ERC2: variants seen among roughly 807,000 people sequenced by gnomAD.
ERC2 encodes the protein ELKS/RAB6-interacting/CAST family member 2, also known as ERC protein 2.
In ERC2, 42 loss-of-function variants were observed where a neutral mutation model predicts 114.8. The observed-to-expected ratio is 0.37, with a 90% CI of 0.29 to 0.47. The LOEUF is 0.47. Among genes scored for constraint, ERC2 ranks in the 20% least tolerant of loss-of-function variants. The pLI is 0.99. For synonymous variants in ERC2, 454 were observed against 425.5 expected (o/e 1.07, Z -0.82); for missense variants, 939 against 1,150.7 (o/e 0.82, Z 2.66).
intron 15 of ERC2, among the ~76,000 whole-genome samples, chr3:55,732,664 G>A (rs1181986656): frequency 1.3e-5 from 2 of 152,186 alleles, no homozygotes; most frequent in African/African-American, 2.4e-5. Context: ...GACATGAGGA[G>A]CAAAGTATCT....
chr3:56,463,190 C>T (rs917699415), intron 1 of ERC2, among the ~76,000 whole-genome samples: 3 of 152,144 alleles, frequency 2.0e-5, no homozygotes, highest in Non-Finnish European at 4.4e-5. Context: ...ATCGGTGCCA[C>T]TGCACTCCAG....
In ERC2 at chr3:55,634,891, C is replaced by CTT. The variant is rs57622078; in HGVS notation, c.*39+48901_*39+48902dup. On this transcript the variant is annotated intron_variant, in intron 17 of 17. Coordinates refer to ENST00000288221, the MANE Select transcript of ERC2 (RefSeq NM_015576.3). ...GAAAACCTGTCTCACTTTATTATTT[C>CTT]TTTTTTTTTTTTGACGAGTCTCACT... is the stretch of plus-strand genomic sequence containing the variant. Among the ~76,000 whole-genome samples, 131 of 147,726 alleles carry CTT rather than the reference C, an allele frequency of 8.9e-4. No individual in the cohort carries two copies. The Middle Eastern group carries it at 0.01, about 12-fold the overall frequency.
At chr3:55,553,514 C>T (rs62251506) in intron 17 of ERC2, among the ~76,000 whole-genome samples, 8,554 of 152,142 alleles carry the variant, frequency 0.056, 327 homozygotes, top group Middle Eastern at 0.085. Flanking sequence ...GGCACGGTGG[C>T]TCACCCCTGT....
chr3:55,568,226 T>C (rs2056493384), intron 17 of ERC2, among the ~76,000 whole-genome samples: 1 of 152,142 alleles, frequency 6.6e-6, no homozygotes, highest in Admixed American at 6.5e-5. Context: ...CTCTGAATTG[T>C]GATGAGTGGT....
intron 10 of ERC2, among the ~76,000 whole-genome samples, chr3:56,003,292 C>A (rs1420926966): frequency 1.3e-5 from 2 of 152,060 alleles, no homozygotes; most frequent in Admixed American, 1.3e-4. Flanking sequence ...ACAGTGAAAG[C>A]GAGATGCTCT....
intron 17 of ERC2, among the ~76,000 whole-genome samples, chr3:55,568,679 C>G (rs1360022402): frequency 6.6e-6 from 1 of 152,232 alleles, no homozygotes; most frequent in Non-Finnish European, 1.5e-5. Flanking sequence ...GCCTTCCTGC[C>G]TTTGCCCCCA....
intron 14 of ERC2, among the ~76,000 whole-genome samples, chr3:55,841,872 CTTAA>C (rs889521036): frequency 6.6e-5 from 10 of 152,172 alleles, no homozygotes; most frequent in African/African-American, 2.4e-4. Context: ...AGCCCAACCT[CTTAA>C]TTGCTTCATT....
chr3:55,589,438 C>A (rs2057763713), intron 17 of ERC2, among the ~76,000 whole-genome samples: 1 of 152,078 alleles, frequency 6.6e-6, no homozygotes, highest in African/African-American at 2.4e-5. Flanking sequence ...GCACATCTAC[C>A]ATGACTACAC....
At chr3:56,288,233 T>C (rs1452329866) in intron 3 of ERC2, among the ~76,000 whole-genome samples, 3 of 152,158 alleles carry the variant, frequency 2.0e-5, no homozygotes, top group Non-Finnish European at 4.4e-5. Flanking sequence ...TGAGGTTTTA[T>C]TTGTGGGGCA....
chr3:56,056,127 G>A (rs537320180), intron 7 of ERC2, among the ~76,000 whole-genome samples: 1 of 152,250 alleles, frequency 6.6e-6, no homozygotes, highest in African/African-American at 2.4e-5. Flanking sequence ...ATAACCCTCA[G>A]TCCATCCTGT....
chr3:55,600,852 CCA>C (rs1291752718), intron 17 of ERC2, among the ~76,000 whole-genome samples: 1 of 152,208 alleles, frequency 6.6e-6, no homozygotes, highest in Non-Finnish European at 1.5e-5. Flanking sequence ...GGGCAAGTAC[CCA>C]CGTGGTTCTT....
chr3:55,727,780 A>C (rs1329476096), intron 15 of ERC2, among the ~76,000 whole-genome samples: 2 of 152,220 alleles, frequency 1.3e-5, no homozygotes, highest in Non-Finnish European at 2.9e-5. Flanking sequence ...TTTTACTCAA[A>C]AAGAGCCCAA....
rs182366430 is a variant in ERC2 at position 55,527,547 on chromosome 3, G to A, written c.*40-16271C>T. Among the ~76,000 whole-genome samples the A allele has an allele frequency of 5.7e-4, 87 of 152,170 alleles. No homozygotes were observed. In the East Asian group the frequency reaches 0.015, roughly 26 times the overall value. Reference sequence around the variant, plus strand: ...CCGTCATGACAACTCTGTGACATAGGGCAAGGGTTGTCATCTCCACTTCTG... The same window carrying A: ...CCGTCATGACAACTCTGTGACATAGAGCAAGGGTTGTCATCTCCACTTCTG... On this transcript the variant is annotated intron_variant, in intron 17 of 17. Coordinates refer to ENST00000288221, the MANE Select transcript of ERC2 (RefSeq NM_015576.3).
chr3:55,869,849 GA>G (rs2062498177), intron 14 of ERC2, among the ~76,000 whole-genome samples: 1 of 152,076 alleles, frequency 6.6e-6, no homozygotes, highest in Non-Finnish European at 1.5e-5. Context: ...CAAAGGAGAT[GA>G]ATCTTCAAAA....
intron 17 of ERC2, among the ~76,000 whole-genome samples, chr3:55,552,710 C>T (rs2047566): frequency 0.32 from 48,241 of 150,850 alleles, 7,685 homozygotes; most frequent in South Asian, 0.47. Context: ...TACAATTTCA[C>T]ATTAGCATTC....
chr3:56,100,731 A>T (rs1355689593), intron 6 of ERC2, among the ~76,000 whole-genome samples: 1 of 152,216 alleles, frequency 6.6e-6, no homozygotes, highest in Non-Finnish European at 1.5e-5. Context: ...GGGATAGGGC[A>T]TGCTCCCATG....
chr3:55,701,208 T>G (rs1053238018), intron 15 of ERC2, among the ~76,000 whole-genome samples: 26 of 152,234 alleles, frequency 1.7e-4, no homozygotes, highest in Admixed American at 7.9e-4. Context: ...ATCTAACTTA[T>G]TCTCAATACT....
chr3:55,627,883 C>CTTT (rs10714648), intron 17 of ERC2, among the ~76,000 whole-genome samples: 75 of 82,444 alleles, frequency 9.1e-4, no homozygotes, highest in African/African-American at 1.1e-3. Flanking sequence ...GGACTTGGTG[C>CTTT]TTTTTTTTTT....
chr3:56,203,898 C>T (rs1384131469), intron 3 of ERC2, among the ~76,000 whole-genome samples: 1 of 152,160 alleles, frequency 6.6e-6, no homozygotes, highest in Admixed American at 6.5e-5. Flanking sequence ...AAAAAACTAA[C>T]AGGCCGGGCC....
Sources: allele counts gnomAD v4.1 joint callset (sites outside exome capture counted in the v4.1 genomes callset), GRCh38; gene constraint gnomAD v4.1.1; transcripts MANE v1.5; gene names NCBI Gene and HGNC (gene_info 2026-07-23, HGNC 2026-07-21).